The following RUNDC3B variants were observed in gnomAD, a reference collection of about 807,000 sequenced individuals.
RUNDC3B encodes RUN domain-containing protein 3B.
Under a neutral mutation model 58.4 loss-of-function variants are expected in RUNDC3B, and 33 were observed. That is an observed-to-expected ratio of 0.56 (90% CI 0.43 to 0.75). RUNDC3B has a LOEUF of 0.75. RUNDC3B is among the 30% of genes least tolerant of loss of function. The pLI is 0.00. For missense variants in RUNDC3B, 501 were observed against 535.7 expected (o/e 0.94, Z 0.64); for synonymous variants, 193 against 195.2 (o/e 0.99, Z 0.10).
chr7:87,666,297 GTGTC>G (rs923790889), intron 2 of RUNDC3B, among the ~76,000 whole-genome samples: 35 of 152,094 alleles, frequency 2.3e-4, no homozygotes, highest in African/African-American at 8.0e-4. Context: ...CCTTTGAAAA[GTGTC>G]TGTTCATGTC....
chr7:87,633,073 G>C (rs1053815557), intron 1 of RUNDC3B, among the ~76,000 whole-genome samples: 2 of 152,132 alleles, frequency 1.3e-5, no homozygotes, highest in African/African-American at 2.4e-5. Flanking sequence ...TATTATTTCA[G>C]AACTTGAATA....
intron 10 of RUNDC3B, among the ~76,000 whole-genome samples, chr7:87,822,696 T>C (rs1165313279): frequency 6.6e-6 from 1 of 152,208 alleles, no homozygotes; most frequent in African/African-American, 2.4e-5. Context: ...CACCATGGAA[T>C]ACTATGCAGC....
At chr7:87,820,105 T>A (rs1014027222) in intron 10 of RUNDC3B, among the ~76,000 whole-genome samples, 2 of 152,192 alleles carry the variant, frequency 1.3e-5, no homozygotes, top group South Asian at 2.1e-4. Flanking sequence ...AGGAACTGGT[T>A]TTTTGAAAAC....
At chr7:87,695,541 G>A (rs951578594) in intron 2 of RUNDC3B, among the ~76,000 whole-genome samples, 2 of 152,018 alleles carry the variant, frequency 1.3e-5, no homozygotes, top group African/African-American at 4.8e-5. Flanking sequence ...TTTGTTGATT[G>A]TCTAGATGAA....
rs185686184 is a variant in RUNDC3B at position 87,738,411 on chromosome 7, G to A, written c.459-1380G>A. Among the ~76,000 whole-genome samples the A allele has an allele frequency of 1.5e-3, 226 of 151,998 alleles. 1 individual carries two copies. Among genetic ancestry groups the A allele is most frequent in the African/African-American group, 5.2e-3 (214 of 41,538 alleles). ...CATTTTTCTCCTTTTATATAAATCA[G>A]TAAAAGCAATTTCAGTAGGTCCAAG... On this transcript the variant is annotated intron_variant, in intron 4 of 10. Coordinates refer to ENST00000394654, the MANE Select transcript of RUNDC3B (RefSeq NM_001134405.2).
intron 4 of RUNDC3B, among the ~76,000 whole-genome samples, chr7:87,729,295 G>A (rs1421477387): frequency 3.3e-5 from 5 of 152,148 alleles, no homozygotes; most frequent in Admixed American, 3.3e-4. Context: ...ATCGCAGTGT[G>A]TGGTTTTAAC....
intron 6 of RUNDC3B, among the ~76,000 whole-genome samples, chr7:87,752,840 T>G (rs1054991450): frequency 1.3e-5 from 2 of 152,044 alleles, no homozygotes; most frequent in Non-Finnish European, 2.9e-5. Context: ...CTGGATTCAT[T>G]AATTTTTTGA....
chr7:87,692,033 A>G (rs1456260062), intron 2 of RUNDC3B, among the ~76,000 whole-genome samples: 1 of 152,232 alleles, frequency 6.6e-6, no homozygotes, highest in African/African-American at 2.4e-5. Flanking sequence ...TTAAATTATA[A>G]TTAAAGCAAT....
intron 2 of RUNDC3B, among the ~76,000 whole-genome samples, chr7:87,688,541 A>T (rs1476927132): frequency 6.6e-6 from 1 of 151,904 alleles, no homozygotes; most frequent in Admixed American, 6.6e-5. Flanking sequence ...ACTATTTATT[A>T]TGTGGAACTA....
chr7:87,831,012 CAG>C lies in RUNDC3B; in HGVS notation c.*985_*986del, dbSNP rs1838099223. 1.3e-5 allele frequency: 2 copies of C among 150,784 alleles called. No homozygotes were observed. Among genetic ancestry groups the C allele is most frequent in the East Asian group, 1.9e-4 (1 of 5,164 alleles). 9.3% of individuals were successfully genotyped at this position (150,784 alleles called of 1,614,324 possible). A position where few individuals can be genotyped will look rare whatever the true frequency, so the allele number is the denominator to read the frequency against. On this transcript the variant is annotated 3_prime_UTR_variant, in exon 11 of 11. Transcript: ENST00000394654. ...TTATAGCCTCTATCATTAATCACAC[CAG>C]AGTCTCATTTTAAAACATTTTAATG...
chr7:87,713,645 C>CT (rs1165137401), intron 4 of RUNDC3B, among the ~76,000 whole-genome samples: 1 of 127,264 alleles, frequency 7.9e-6, no homozygotes, highest in African/African-American at 3.0e-5. Flanking sequence ...AGAATCTAAG[C>CT]TAAAAAAAAA....
intron 8 of RUNDC3B, among the ~76,000 whole-genome samples, chr7:87,798,756 TGCA>T (rs1158136069): frequency 6.6e-6 from 1 of 152,208 alleles, no homozygotes; most frequent in African/African-American, 2.4e-5. Flanking sequence ...AGTTCTAAAG[TGCA>T]GCCAGGGTTG....
chr7:87,657,982 A>T (rs1397907998), intron 2 of RUNDC3B, among the ~76,000 whole-genome samples: 1 of 152,178 alleles, frequency 6.6e-6, no homozygotes, highest in Admixed American at 6.5e-5. Flanking sequence ...TCATAACATA[A>T]TATAAATATG....
chr7:87,631,474 T>G (rs1349315890), intron 1 of RUNDC3B, among the ~76,000 whole-genome samples: 3 of 152,304 alleles, frequency 2.0e-5, no homozygotes, highest in Admixed American at 2.0e-4. Context: ...CACTGCAAGC[T>G]CCGCCTCCCG....
chr7:87,774,651 T>C (rs970437026), intron 7 of RUNDC3B, among the ~76,000 whole-genome samples: 1 of 152,168 alleles, frequency 6.6e-6, no homozygotes, highest in African/African-American at 2.4e-5. Context: ...AACTGATATA[T>C]AGCCATTTAA....
At chr7:87,629,727 C>T (rs1041519611) in intron 1 of RUNDC3B, among the ~76,000 whole-genome samples, 2 of 151,772 alleles carry the variant, frequency 1.3e-5, no homozygotes, top group Non-Finnish European at 2.9e-5. Context: ...GAGTTCGAGA[C>T]CAGCCTGGCC....
chr7:87,644,424 A>T (rs114020027), intron 1 of RUNDC3B, among the ~76,000 whole-genome samples: 176 of 152,354 alleles, frequency 1.2e-3, no homozygotes, highest in Middle Eastern at 6.8e-3. Flanking sequence ...ACATATAATA[A>T]GGAATATTGT....
intron 4 of RUNDC3B, among the ~76,000 whole-genome samples, chr7:87,711,884 A>G (rs1305615874): frequency 6.6e-6 from 1 of 152,164 alleles, no homozygotes. Context: ...TATTTCTGAA[A>G]GAAAAGAAAA....
chr7:87,787,409 A>G (rs1301816421), intron 8 of RUNDC3B, among the ~76,000 whole-genome samples: 1 of 152,174 alleles, frequency 6.6e-6, no homozygotes, highest in Non-Finnish European at 1.5e-5. Flanking sequence ...AATATGAGGC[A>G]TGTAATATTT....
Sources: gnomAD v4.1 joint callset for allele counts (sites outside exome capture counted in the v4.1 genomes callset) on GRCh38, gnomAD v4.1.1 for gene constraint, MANE v1.5 for transcripts, NCBI Gene and HGNC (gene_info 2026-07-23, HGNC 2026-07-21) for gene names.